Variants in VWA3B observed in about 807,000 individuals in gnomAD.
VWA3B encodes von Willebrand factor A domain containing 3B.
Under a neutral mutation model 158.3 loss-of-function variants are expected in VWA3B, and 138 were observed. That is an observed-to-expected ratio of 0.87 (90% CI 0.76 to 1.00). The LOEUF is 1.00. Among genes scored for constraint, VWA3B ranks in the 50% least tolerant of loss-of-function variants. VWA3B has a pLI of 0.00. For missense variants in VWA3B, 1,555 were observed against 1,565.1 expected (o/e 0.99, Z 0.11); for synonymous variants, 596 against 587.3 (o/e 1.01, Z -0.21).
chr2:98,284,023 C>T (rs968330965), intron 22 of VWA3B, among the ~76,000 whole-genome samples: 5 of 152,198 alleles, frequency 3.3e-5, no homozygotes, highest in African/African-American at 1.2e-4. Flanking sequence ...ATTCACCACC[C>T]ACCAGTGATG....
At position 98,278,032 on chromosome 2, in the gene VWA3B, A is replaced by G. The variant is rs140475935; in HGVS notation, c.3045+7149A>G. ...CCTAACTGACTAGTCGGCCTTTCCA[A>G]TTCCACTAGTAAAAACTTTAGTCTG... On this transcript the variant is annotated intron_variant, in intron 22 of 27. Transcript: ENST00000477737. 7.9e-5 allele frequency among the ~76,000 whole-genome samples: 12 copies of G among 152,174 alleles called. No homozygotes were observed. In the East Asian group the frequency reaches 2.3e-3, roughly 29 times the overall value.
At chr2:98,202,921 C>A (rs1330920033) in intron 12 of VWA3B, among the ~76,000 whole-genome samples, 1 of 152,104 alleles carries the variant, frequency 6.6e-6, no homozygotes, top group East Asian at 1.9e-4. Context: ...CAACCTCCAC[C>A]TCCCAGGTTC....
intron 1 of VWA3B, among the ~76,000 whole-genome samples, chr2:98,090,886 G>A (rs2104797966): frequency 6.6e-6 from 1 of 151,672 alleles, no homozygotes; most frequent in East Asian, 1.9e-4. Context: ...CTCTCGAGTA[G>A]CTGGGACTAC....
intron 5 of VWA3B, among the ~76,000 whole-genome samples, chr2:98,123,540 G>A (rs1675131049): frequency 6.6e-6 from 1 of 152,208 alleles, no homozygotes; most frequent in Non-Finnish European, 1.5e-5. Context: ...TCTAAGAAGA[G>A]CACATGCAGA....
At chr2:98,256,015 C>A in intron 20 of VWA3B, 109 bp from the exon 21 acceptor site, 2 of 1,173,892 alleles carry the variant, frequency 1.7e-6, no homozygotes, top group Non-Finnish European at 2.5e-6. Flanking sequence ...TGGCCTGGCT[C>A]AGTGGAGATG....
intron 15 of VWA3B, among the ~76,000 whole-genome samples, chr2:98,228,547 C>T (rs555489618): frequency 1.3e-5 from 2 of 152,142 alleles, no homozygotes; most frequent in Non-Finnish European, 2.9e-5. Flanking sequence ...CACATATTCC[C>T]CTTTATGTTC....
intron 24 of VWA3B, among the ~76,000 whole-genome samples, chr2:98,299,381 C>T (rs909690603): frequency 2.0e-4 from 30 of 152,218 alleles, no homozygotes; most frequent in South Asian, 4.1e-4. Context: ...CCTCTTGCCG[C>T]GTTCCTAATT....
chr2:98,228,295 G>T lies in VWA3B; in HGVS notation c.2113G>T (p.Asp705Tyr), dbSNP rs774823557. 7 of 1,613,948 alleles carry T rather than the reference G, an allele frequency of 4.3e-6. No individual in the cohort carries two copies. Among genetic ancestry groups the T allele is most frequent in the Non-Finnish European group, 5.9e-6 (7 of 1,179,988 alleles). The change falls in exon 15 of 28, where the codon GAC becomes TAC. Residue 705 changes from aspartate to tyrosine, a missense_variant. Physicochemically the swap from Asp to Tyr is radical, Grantham distance 160. Transcript: ENST00000477737. The stretch of plus-strand genomic sequence containing the variant: ...CCTTTATTCTGAGTCCTTGATCATG[G>T]ACTGGTGGTACAATGCAGAAAAGGA... ...QDLYSESLIMDWWYNAEKDGD... is the reference protein window; with the variant it reads ...QDLYSESLIMYWWYNAEKDGD...
chr2:98,087,601 A>G (rs911824394), intron 1 of VWA3B, among the ~76,000 whole-genome samples: 5 of 152,108 alleles, frequency 3.3e-5, no homozygotes, highest in African/African-American at 1.2e-4. Context: ...AGCTCTTTCC[A>G]TCACACCTCA....
intron 23 of VWA3B, among the ~76,000 whole-genome samples, chr2:98,296,209 G>C (rs997015245): frequency 1.3e-5 from 2 of 152,230 alleles, no homozygotes; most frequent in South Asian, 2.1e-4. Flanking sequence ...GATTTGAAGA[G>C]AGTCACATGG....
Position 98,303,735 on chromosome 2 carries a change from AGCCAAAACAAGTATGC to A in VWA3B, c.3457_3472del (p.Gln1153SerfsTer6). 1.2e-6 allele frequency: 2 copies of A among 1,614,216 alleles called. No homozygotes were observed. The highest frequency in any genetic ancestry group is 1.7e-6 in the Non-Finnish European group (2 of 1,180,034). On this transcript the variant is annotated frameshift_variant, in exon 26 of 28. Coordinates refer to ENST00000477737, the MANE Select transcript of VWA3B (RefSeq NM_144992.5). LOFTEE classifies it high-confidence loss of function. Reference sequence around the variant, plus strand: ...CCCTCGGAGTGCACTTATTAAGATCAGCCAAAACAAGTATGCGCTCTCTTGCTCTCATATAAAGTCA... The same window carrying A: ...CCCTCGGAGTGCACTTATTAAGATCAGCTCTCTTGCTCTCATATAAAGTCA...
intron 5 of VWA3B, among the ~76,000 whole-genome samples, chr2:98,124,576 T>C (rs1675212208): frequency 6.6e-6 from 1 of 152,212 alleles, no homozygotes; most frequent in Admixed American, 6.5e-5. Flanking sequence ...AGGGAGGATT[T>C]GGAGGTCAGA....
intron 6 of VWA3B, among the ~76,000 whole-genome samples, chr2:98,132,283 C>T (rs1675934633): frequency 6.6e-6 from 1 of 152,240 alleles, no homozygotes; most frequent in Admixed American, 6.5e-5. Context: ...CCCCTGCCTT[C>T]TCCACTCCCT....
chr2:98,134,393 T>C (rs1208480604), intron 7 of VWA3B, among the ~76,000 whole-genome samples: 6 of 152,140 alleles, frequency 3.9e-5, no homozygotes, highest in Non-Finnish European at 7.4e-5. Context: ...CACAGGAACC[T>C]TTACGGAGGC....
At chr2:98,107,787 T>C (rs903643817) in intron 2 of VWA3B, among the ~76,000 whole-genome samples, 1 of 152,092 alleles carries the variant, frequency 6.6e-6, no homozygotes, top group Non-Finnish European at 1.5e-5. Flanking sequence ...TAGTGGTTTG[T>C]CAGTTTATTG....
At chr2:98,209,382 G>A (rs1683306862) in intron 12 of VWA3B, among the ~76,000 whole-genome samples, 1 of 152,074 alleles carries the variant, frequency 6.6e-6, no homozygotes, top group Non-Finnish European at 1.5e-5. Context: ...CCAGGTTCAT[G>A]CCATTCTCCT....
chr2:98,160,481 G>T (rs1051145111), intron 7 of VWA3B, among the ~76,000 whole-genome samples: 1 of 152,088 alleles, frequency 6.6e-6, no homozygotes. Flanking sequence ...AGCACGTCCC[G>T]GTCACTGCTG....
At chr2:98,141,732 G>T (rs1365657505) in intron 7 of VWA3B, among the ~76,000 whole-genome samples, 2 of 152,150 alleles carry the variant, frequency 1.3e-5, no homozygotes, top group Admixed American at 6.5e-5. Flanking sequence ...CCTGACCAGG[G>T]CTTAAAAGTA....
At chr2:98,185,635 C>T (rs113391974) in intron 9 of VWA3B, among the ~76,000 whole-genome samples, 7 of 152,284 alleles carry the variant, frequency 4.6e-5, no homozygotes, top group Middle Eastern at 3.4e-3. Flanking sequence ...TTGTGAACAT[C>T]GACGGGAATG....
Sources: gnomAD v4.1 joint callset for allele counts (sites outside exome capture counted in the v4.1 genomes callset) on GRCh38, gnomAD v4.1.1 for gene constraint, MANE v1.5 for transcripts, NCBI Gene and HGNC (gene_info 2026-07-23, HGNC 2026-07-21) for gene names.